The following MOK variants were observed in gnomAD, a reference collection of about 807,000 sequenced individuals.
The protein encoded by MOK is MOK protein kinase, also known as MAPK/MAK/MRK overlapping kinase.
In MOK, 59 loss-of-function variants were observed where a neutral mutation model predicts 54.2. The observed-to-expected ratio is 1.09, with a 90% CI of 0.88 to 1.35. MOK has a LOEUF of 1.35. Among genes scored for constraint, MOK ranks in the 40% most tolerant of loss-of-function variants. MOK has a pLI of 0.00. For missense variants in MOK, 517 were observed against 526.2 expected, an observed-to-expected ratio of 0.98 and a Z score of 0.17; for synonymous variants, 210 against 202.7, an observed-to-expected ratio of 1.04 and a Z score of -0.31.
intron 2 of MOK, 40 bp from the exon 3 acceptor site, chr14:102,265,952 A>C (rs2153138434): frequency 1.4e-6 from 2 of 1,413,890 alleles, no homozygotes; most frequent in East Asian, 4.6e-5. Flanking sequence ...TTCACAGTTT[A>C]GGTCAACTTC....
At chr14:102,248,407 C>G (rs1030253474) in intron 7 of MOK, among the ~76,000 whole-genome samples, 21 of 152,110 alleles carry the variant, frequency 1.4e-4, no homozygotes, top group Admixed American at 9.8e-4. Flanking sequence ...TTCCCTACAC[C>G]CTTCTGTAAG....
intron 1 of MOK, among the ~76,000 whole-genome samples, chr14:102,301,411 AAAG>A (rs768944811): frequency 2.8e-4 from 43 of 152,308 alleles, no homozygotes; most frequent in Admixed American, 7.8e-4. Flanking sequence ...TGCCAAATAA[AAAG>A]AAGGACAGGA....
At position 102,230,140 on chromosome 14, in the gene MOK, C is replaced by G. The variant is rs1010212150; in HGVS notation, c.982-483G>C. On this transcript the variant is annotated intron_variant, in intron 10 of 11. Transcript: ENST00000361847. This position sits in a 1 kb window ranked among gnomAD's most constrained non-coding sequence, Gnocchi z 4.1. ...CTCACTGTAGCCTCAGCTTCCTAGG[C>G]TCAGGCGATCCTCCTGCCTCAGCCT... is the stretch of plus-strand genomic sequence containing the variant. The G allele has an allele frequency of 3.8e-5, 6 of 157,300 alleles. No individual in the cohort carries two copies. The highest frequency in any genetic ancestry group is 3.7e-4 in the Admixed American group (6 of 16,390). The allele number at this position is 157,300 out of a possible 1,614,324, so 9.7% of individuals were successfully genotyped here.
At chr14:102,228,835 A>C (rs2064368534), downstream of MOK, 1 of 165,210 alleles carries the variant, frequency 6.1e-6, no homozygotes, top group African/African-American at 2.4e-5. Context: ...TTAAAATGCA[A>C]TACTGTAACG....
chr14:102,261,043 G>A (rs1379010259), intron 4 of MOK, among the ~76,000 whole-genome samples: 5 of 151,692 alleles, frequency 3.3e-5, no homozygotes, highest in Admixed American at 2.6e-4. Flanking sequence ...AGATCACGAC[G>A]TCAAGAGATC....
At chr14:102,302,501 T>C (rs2072342706) in intron 1 of MOK, among the ~76,000 whole-genome samples, 2 of 151,482 alleles carry the variant, frequency 1.3e-5, no homozygotes, top group African/African-American at 2.4e-5. Flanking sequence ...CTGCAAGCTC[T>C]GCCTCCCAGG....
chr14:102,250,736 G>A, intron 7 of MOK, 76 bp downstream of exon 7: 2 of 1,400,696 alleles, frequency 1.4e-6, no homozygotes, highest in South Asian at 2.6e-5. Context: ...CATCTGGATT[G>A]TAAAGGAAGG....
downstream of MOK, chr14:102,222,906 G>A: frequency 6.2e-7 from 1 of 1,613,854 alleles, no homozygotes; most frequent in Non-Finnish European, 8.5e-7. The surrounding 1 kb of genome is among the most constrained non-coding windows in gnomAD (Gnocchi z 4.4). Context: ...TGCGCGCACA[G>A]TCTCCCGGGA....
chr14:102,229,125 C>T lies in MOK; in HGVS notation c.*164G>A, dbSNP rs2064395964. On this transcript the variant is annotated 3_prime_UTR_variant, in exon 12 of 12. Coordinates refer to ENST00000361847, the MANE Select transcript of MOK (RefSeq NM_014226.3). ...AGAACATCCTAGGCAGCTGCGCGGGCCGCGGGTGCGGCAGGGCGCAGGGCA... is the reference window on the plus strand; with the variant it reads ...AGAACATCCTAGGCAGCTGCGCGGGTCGCGGGTGCGGCAGGGCGCAGGGCA... The T allele has an allele frequency of 4.5e-6, 3 of 668,602 alleles. No individual in the cohort carries two copies. The highest frequency in any genetic ancestry group is 1.8e-5 in the African/African-American group (1 of 54,952). The allele number at this position is 668,602 out of a possible 1,614,324, so 41.4% of individuals were successfully genotyped here.
chr14:102,232,029 A>T lies in MOK; in HGVS notation c.867-208T>A, dbSNP rs1387030969. 2.1e-6 allele frequency: 1 copy of T among 468,250 alleles called. No homozygotes were observed. Among genetic ancestry groups the T allele is most frequent in the African/African-American group, 2.0e-5 (1 of 50,600 alleles). 29.0% of individuals were successfully genotyped at this position (468,250 alleles called of 1,614,324 possible). On this transcript the variant is annotated intron_variant, in intron 9 of 11. Coordinates refer to ENST00000361847, the MANE Select transcript of MOK (RefSeq NM_014226.3). This position sits in a 1 kb window ranked among gnomAD's most constrained non-coding sequence, Gnocchi z 5.1. ...AGGAACAGAGCTGGCTCCATGAATCAGAAGCGCTGCCTACCCAGGGACTCG... is the reference window on the plus strand; with the variant it reads ...AGGAACAGAGCTGGCTCCATGAATCTGAAGCGCTGCCTACCCAGGGACTCG...
At chr14:102,263,100 T>C (rs529567432) in intron 4 of MOK, among the ~76,000 whole-genome samples, 1 of 152,202 alleles carries the variant, frequency 6.6e-6, no homozygotes, top group Non-Finnish European at 1.5e-5. Flanking sequence ...TGAACGAGCA[T>C]CCTGGAAAAT....
chr14:102,278,753 T>C (rs2069123262), intron 2 of MOK: 1 of 456,072 alleles, frequency 2.2e-6, no homozygotes, highest in Non-Finnish European at 4.4e-6. Context: ...CAATGACACA[T>C]GCATATAATT....
intron 2 of MOK, among the ~76,000 whole-genome samples, chr14:102,272,214 C>A (rs1390026617): frequency 1.3e-5 from 2 of 152,220 alleles, no homozygotes; most frequent in Non-Finnish European, 2.9e-5. Flanking sequence ...ATAGGCCAAG[C>A]ATGGTAGCTC....
intron 7 of MOK, 148 bp from the exon 8 acceptor site, chr14:102,233,937 T>C: frequency 6.5e-6 from 4 of 618,042 alleles, no homozygotes; most frequent in Non-Finnish European, 1.2e-5. Context: ...CTGCTGTTCA[T>C]CTAGCTGCTA....
At chr14:102,300,151 C>T (rs897743292) in intron 1 of MOK, among the ~76,000 whole-genome samples, 5 of 151,892 alleles carry the variant, frequency 3.3e-5, no homozygotes, top group Admixed American at 6.6e-5. Context: ...TGGTGAAACC[C>T]GATCTCTACT....
Position 102,305,023 on chromosome 14 carries a change from A to G in MOK, c.-55T>C. ...TGCCGACACTGGACGGAAAAGAAAG[A>G]AGCAGGAAGGTTGTCCCCCTGCTTT... On this transcript the variant is annotated 5_prime_UTR_variant, in exon 1 of 12. Coordinates refer to ENST00000361847, the MANE Select transcript of MOK (RefSeq NM_014226.3). The G allele has an allele frequency of 1.3e-6, 2 of 1,596,704 alleles. No homozygotes were observed. Among genetic ancestry groups the G allele is most frequent in the South Asian group, 2.3e-5 (2 of 88,124 alleles).
chr14:102,226,244 CTTT>C, downstream of MOK: 1 of 664,382 alleles, frequency 1.5e-6, no homozygotes, highest in East Asian at 2.7e-5. The surrounding 1 kb of genome is among the most constrained non-coding windows in gnomAD (Gnocchi z 4.8). Context: ...CCGGTGTCTT[CTTT>C]AAGGTCAGGA....
At position 102,265,932 on chromosome 14, in the gene MOK, G is replaced by T; in HGVS notation, c.123-20C>A. 6.4e-7 allele frequency: 1 copy of T among 1,569,790 alleles called. No individual in the cohort carries two copies. The highest frequency in any genetic ancestry group is 1.1e-5 in the South Asian group (1 of 88,728). ...TCAATACTATCGTGTAGGTAAAAAT[G>T]GATAGCTCATTCACAGTTTAGGTCA... is the stretch of plus-strand genomic sequence containing the variant. On this transcript the variant is annotated intron_variant, in intron 2 of 11. Transcript: ENST00000361847.
intron 6 of MOK, 60 bp downstream of exon 6, chr14:102,251,696 G>T: frequency 2.2e-6 from 3 of 1,372,180 alleles, no homozygotes; most frequent in South Asian, 1.2e-5. Flanking sequence ...AAAACCTTTC[G>T]GGAAAGATTT....
Sources: gnomAD v4.1 joint callset for allele counts (sites outside exome capture counted in the v4.1 genomes callset) on GRCh38, gnomAD v4.1.1 for gene constraint, Gnocchi (gnomAD v3.1) non-coding constraint, MANE v1.5 for transcripts, NCBI Gene and HGNC (gene_info 2026-07-23, HGNC 2026-07-21) for gene names.